The following TRAPPC9 variants were observed in gnomAD, a reference collection of about 807,000 sequenced individuals.
TRAPPC9 encodes the protein IKK2 binding protein.
Under a neutral mutation model 124.0 loss-of-function variants are expected in TRAPPC9, and 83 were observed. The ratio of observed to expected loss-of-function variants is 0.67; its 90% CI spans 0.56 to 0.80. The LOEUF is 0.80. TRAPPC9 is among the 30% of genes least tolerant of loss of function. The pLI, the probability that TRAPPC9 is intolerant of heterozygous loss-of-function variation, is 0.00. For synonymous variants in TRAPPC9, 638 were observed against 617.5 expected, an observed-to-expected ratio of 1.03 and a Z score of -0.49; for missense variants, 1,302 against 1,508.3, an observed-to-expected ratio of 0.86 and a Z score of 2.27.
At chr8:139,744,814 C>T (rs942679218) in intron 21 of TRAPPC9, among the ~76,000 whole-genome samples, 2 of 152,210 alleles carry the variant, frequency 1.3e-5, no homozygotes, top group Admixed American at 6.5e-5. Flanking sequence ...GTTGGGCTCT[C>T]TTGGGTAAAT....
At chr8:140,340,537 C>G (rs1056184997) in intron 9 of TRAPPC9, among the ~76,000 whole-genome samples, 1 of 152,264 alleles carries the variant, frequency 6.6e-6, no homozygotes, top group African/African-American at 2.4e-5. Context: ...CAATGCCAGG[C>G]AGCTGACACA....
intron 17 of TRAPPC9, chr8:140,039,924 A>G (rs1249019353): frequency 1.3e-5 from 2 of 152,218 alleles, no homozygotes; most frequent in Non-Finnish European, 2.9e-5. Context: ...ATGAGTCCAC[A>G]ACTCTAAAGG....
chr8:140,193,592 A>G (rs2062549454), intron 17 of TRAPPC9, among the ~76,000 whole-genome samples: 1 of 145,064 alleles, frequency 6.9e-6, no homozygotes, highest in African/African-American at 2.6e-5. Flanking sequence ...ACAAAGTTCC[A>G]TAAGGGCAGA....
chr8:140,349,560 A>G (rs1233491194), intron 9 of TRAPPC9, among the ~76,000 whole-genome samples: 1 of 152,146 alleles, frequency 6.6e-6, no homozygotes, highest in Admixed American at 6.5e-5. Flanking sequence ...GCTGAGCTGC[A>G]CATCGTGGTA....
intron 15 of TRAPPC9, among the ~76,000 whole-genome samples, chr8:140,254,470 G>C (rs1340383813): frequency 6.6e-6 from 1 of 152,190 alleles, no homozygotes; most frequent in African/African-American, 2.4e-5. Flanking sequence ...GTGAGTGTCT[G>C]TGACCAATGA....
intron 17 of TRAPPC9, among the ~76,000 whole-genome samples, chr8:140,198,952 G>A (rs2062724346): frequency 6.6e-6 from 1 of 151,924 alleles, no homozygotes; most frequent in African/African-American, 2.4e-5. Flanking sequence ...GAGACGGAAA[G>A]AGGGAGACAG....
chr8:140,363,789 G>T (rs561039139), intron 8 of TRAPPC9, among the ~76,000 whole-genome samples: 21 of 151,910 alleles, frequency 1.4e-4, no homozygotes, highest in Admixed American at 9.2e-4. Flanking sequence ...GTAGAGACGG[G>T]GTTTCACCAT....
At chr8:139,856,140 C>A (rs570549541) in intron 21 of TRAPPC9, among the ~76,000 whole-genome samples, 2 of 152,316 alleles carry the variant, frequency 1.3e-5, no homozygotes, top group Non-Finnish European at 2.9e-5. Context: ...AGCCAGTGCA[C>A]TGAGTTTCTT....
At chr8:139,948,871 G>T (rs993935217) in intron 19 of TRAPPC9, among the ~76,000 whole-genome samples, 1 of 152,184 alleles carries the variant, frequency 6.6e-6, no homozygotes, top group Non-Finnish European at 1.5e-5. Context: ...GAGGTCAGGA[G>T]TTCGAGACCA....
At chr8:140,193,780 C>T (rs550441983) in intron 17 of TRAPPC9, among the ~76,000 whole-genome samples, 10 of 152,292 alleles carry the variant, frequency 6.6e-5, no homozygotes, top group East Asian at 3.9e-4. Flanking sequence ...CCAAGCTGTG[C>T]GATTGTGGAC....
At chr8:140,045,160 G>A (rs921149143) in intron 17 of TRAPPC9, among the ~76,000 whole-genome samples, 1 of 152,192 alleles carries the variant, frequency 6.6e-6, no homozygotes, top group Non-Finnish European at 1.5e-5. Context: ...GGAGTCTGAA[G>A]GCCCAAGGTC....
intron 1 of TRAPPC9, chr8:140,456,712 G>A (rs2071678218): frequency 3.8e-6 from 3 of 794,120 alleles, no homozygotes; most frequent in African/African-American, 3.7e-5. Context: ...AGATGTCATA[G>A]GTAGCTATGA....
chr8:139,830,782 C>T (rs1825939557), intron 21 of TRAPPC9, among the ~76,000 whole-genome samples: 1 of 152,236 alleles, frequency 6.6e-6, no homozygotes, highest in Admixed American at 6.5e-5. Context: ...GCCTCGGCTG[C>T]TGCACCAGGG....
chr8:140,366,781 G>A (rs1005969046), intron 8 of TRAPPC9, among the ~76,000 whole-genome samples: 1 of 152,144 alleles, frequency 6.6e-6, no homozygotes, highest in Non-Finnish European at 1.5e-5. Context: ...TCAAGAGAAT[G>A]AGAAAACAAG....
chr8:140,214,105 C>A (rs912522735), intron 17 of TRAPPC9, among the ~76,000 whole-genome samples: 1 of 152,264 alleles, frequency 6.6e-6, no homozygotes, highest in Admixed American at 6.5e-5. Context: ...CACAGTCCAA[C>A]TCAGGGAAAA....
chr8:139,931,707 A>G (rs1049465320), intron 19 of TRAPPC9: 4 of 157,006 alleles, frequency 2.5e-5, no homozygotes, highest in African/African-American at 9.6e-5. Context: ...ACCAGTGCGG[A>G]TCTCCACGAT....
chr8:140,030,329 A>G (rs1040305964), intron 17 of TRAPPC9, among the ~76,000 whole-genome samples: 6 of 152,244 alleles, frequency 3.9e-5, no homozygotes, highest in Admixed American at 2.0e-4. Flanking sequence ...AGGAAGAGGT[A>G]AAACTATCTT....
chr8:139,898,840 C>A (rs536177411), intron 20 of TRAPPC9, among the ~76,000 whole-genome samples: 2 of 152,130 alleles, frequency 1.3e-5, no homozygotes, highest in Non-Finnish European at 2.9e-5. Flanking sequence ...CAGAAACAGG[C>A]CGGGTGCAGT....
At chr8:139,782,816 G>GA (rs1452533862) in intron 21 of TRAPPC9, among the ~76,000 whole-genome samples, 1 of 152,130 alleles carries the variant, frequency 6.6e-6, no homozygotes, top group African/African-American at 2.4e-5. Flanking sequence ...TTGACTAGAA[G>GA]TTTAAAAGGA....
Sources: allele counts gnomAD v4.1 joint callset (sites outside exome capture counted in the v4.1 genomes callset), GRCh38; gene constraint gnomAD v4.1.1; transcripts MANE v1.5; gene names NCBI Gene and HGNC (gene_info 2026-07-23, HGNC 2026-07-21).